Variants in XRN1 observed in about 807,000 individuals in gnomAD.
XRN1 encodes the protein strand-exchange protein 1 homolog.
A neutral mutation model predicts 222.3 loss-of-function variants in XRN1; 67 were observed. That is an observed-to-expected ratio of 0.30 (90% CI 0.25 to 0.37). The LOEUF is 0.37. Ranked by LOEUF, XRN1 falls within the 10% of genes least tolerant of loss-of-function variation. The pLI, the probability that XRN1 is intolerant of heterozygous loss-of-function variation, is 1.00. For synonymous variants in XRN1, 643 were observed against 652.4 expected, an observed-to-expected ratio of 0.99 and a Z score of 0.22; for missense variants, 1,707 against 2,000.2, an observed-to-expected ratio of 0.85 and a Z score of 2.80.
At chr3:142,439,675 ACT>A (rs975101938) in intron 1 of XRN1, among the ~76,000 whole-genome samples, 1 of 151,924 alleles carries the variant, frequency 6.6e-6, no homozygotes, top group African/African-American at 2.4e-5. Context: ...AAACTTAGAA[ACT>A]CTACTGAACT....
At position 142,375,914 on chromosome 3, in the gene XRN1, A is replaced by G. The variant is rs1258217644; in HGVS notation, c.2862T>C (p.Gly954=). 6.2e-7 allele frequency: 1 copy of G among 1,613,670 alleles called. No homozygotes were observed. The highest frequency in any genetic ancestry group is 2.2e-5 in the East Asian group (1 of 44,854). ...TTTTCTTGTTGAATTTGAGATTTAA[A>G]CCCACATTTGCTTTATGGTCTCCAT... ...NPHGDHKANV[G]LNLKFNKKNE... is the part of the protein sequence containing the mutation. The change falls in exon 25 of 41, where the codon GGT becomes GGC. Residue 954 remains glycine (G), a synonymous_variant. Coordinates refer to ENST00000392981, the MANE Select transcript of XRN1 (RefSeq NM_001282857.2).
At chr3:142,435,529 G>A (rs935261313) in intron 1 of XRN1, 2 of 152,118 alleles carry the variant, frequency 1.3e-5, no homozygotes, top group African/African-American at 4.8e-5. Context: ...GGGGGCCAAG[G>A]TAGGTGGATC....
Position 142,357,108 on chromosome 3 carries a change from C to G in XRN1, c.3476G>C (p.Gly1159Ala). The change falls in exon 31 of 41, where the codon GGT (glycine) becomes GCT (alanine). Residue 1159 changes from glycine to alanine, a missense_variant. Physicochemically the swap from Gly to Ala is moderately conservative, Grantham distance 60. Transcript: ENST00000392981. The part of the protein sequence containing the change: ...PGGLTIRCSP[G>A]RGYRLPTSAL... ...ACTTGTTGGCAGTCGATAACCTCTA[C>G]CAGGTGAGCATCTAAAAGTAAAAGT... 1.2e-6 allele frequency: 2 copies of G among 1,610,386 alleles called. No homozygotes were observed. The highest frequency in any genetic ancestry group is 1.7e-6 in the Non-Finnish European group (2 of 1,178,248).
At chr3:142,432,510 G>A in intron 2 of XRN1, 151 bp downstream of exon 2, 1 of 722,804 alleles carries the variant, frequency 1.4e-6, no homozygotes, top group Non-Finnish European at 2.2e-6. Context: ...TTACTCGACT[G>A]GTAAAATATG....
chr3:142,427,525 TAATC>T (rs1310850830), intron 2 of XRN1, among the ~76,000 whole-genome samples: 1 of 152,186 alleles, frequency 6.6e-6, no homozygotes, highest in Admixed American at 6.5e-5. Flanking sequence ...TTAATGATCT[TAATC>T]ATCATTTAAT....
intron 10 of XRN1, among the ~76,000 whole-genome samples, chr3:142,419,285 G>C (rs1481835622): frequency 1.3e-5 from 2 of 151,904 alleles, no homozygotes; most frequent in East Asian, 1.9e-4. Flanking sequence ...TGTGTGTACA[G>C]GTTCCCAAAA....
chr3:142,436,686 A>G (rs2108187414), intron 1 of XRN1, among the ~76,000 whole-genome samples: 1 of 152,334 alleles, frequency 6.6e-6, no homozygotes, highest in Middle Eastern at 3.4e-3. Flanking sequence ...AATTCAACAC[A>G]GCAATTACAA....
At chr3:142,362,249 C>T (rs995944113) in intron 29 of XRN1, among the ~76,000 whole-genome samples, 49 of 151,976 alleles carry the variant, frequency 3.2e-4, no homozygotes, top group Admixed American at 2.1e-3. Flanking sequence ...GTGATTCTTC[C>T]GCCTCAGCCT....
intron 40 of XRN1, 122 bp downstream of exon 40, chr3:142,312,476 A>T: frequency 1.0e-6 from 1 of 974,394 alleles, no homozygotes; most frequent in Non-Finnish European, 1.4e-6. Flanking sequence ...TTGCCTTCTT[A>T]CTACCCACAC....
rs776965080 is a variant in XRN1 at position 142,365,146 on chromosome 3, G to A, written c.3295C>T (p.Arg1099Trp). ...LEQQHGVIPD[R>W]DAEFCLFDRV... The stretch of plus-strand genomic sequence containing the variant: ...TCAAAAAGACAAAATTCTGCATCCC[G>A]ATCAGGAATGACTCCATGTTGCTGT... Residue 1099 changes from arginine (R) to tryptophan (W), a missense_variant, in exon 29 of 41, where the codon CGG (arginine) becomes TGG (tryptophan). By Grantham distance (101) the Arg-to-Trp change is moderately radical. Coordinates refer to ENST00000392981, the MANE Select transcript of XRN1 (RefSeq NM_001282857.2). 2.9e-5 allele frequency: 46 copies of A among 1,612,906 alleles called. No individual in the cohort carries two copies. The highest frequency in any genetic ancestry group is 8.3e-5 in the Admixed American group (5 of 59,932).
At chr3:142,361,293 G>T (rs571409804) in intron 29 of XRN1, among the ~76,000 whole-genome samples, 8 of 152,178 alleles carry the variant, frequency 5.3e-5, no homozygotes, top group African/African-American at 1.9e-4. Context: ...CTGCTGATGG[G>T]GATTTAGATT....
chr3:142,363,855 C>A (rs552139344), intron 29 of XRN1, among the ~76,000 whole-genome samples: 2 of 152,034 alleles, frequency 1.3e-5, no homozygotes, highest in East Asian at 3.9e-4. Flanking sequence ...ATTGGGATTT[C>A]TTTGACTGTA....
At position 142,423,640 on chromosome 3, in the gene XRN1, A is replaced by G. The variant is rs2069129530; in HGVS notation, c.630T>C (p.Ile210=). 1 of 1,572,978 alleles carries G rather than the reference A, an allele frequency of 6.4e-7. No homozygotes were observed. Among genetic ancestry groups the G allele is most frequent in the Non-Finnish European group, 8.6e-7 (1 of 1,164,204 alleles). ...HCLYGLDADL[I]MLGLTSHEAH... ...CCTCATGACTTGTTAATCCAAGCAT[A>G]ATCTGTTGAAAAATGATTAAGAAAT... Residue 210 remains isoleucine, a splice_region_variant and synonymous_variant, in exon 6 of 41, where the codon ATT becomes ATC. Transcript: ENST00000392981.
intron 25 of XRN1, among the ~76,000 whole-genome samples, chr3:142,372,505 GC>G (rs1356706444): frequency 6.6e-6 from 1 of 152,176 alleles, no homozygotes; most frequent in East Asian, 1.9e-4. Flanking sequence ...AACTGGGATG[GC>G]CCTTCAGACT....
intron 33 of XRN1, among the ~76,000 whole-genome samples, chr3:142,336,607 G>A (rs1306691528): frequency 6.6e-6 from 1 of 151,314 alleles, no homozygotes; most frequent in Non-Finnish European, 1.5e-5. Flanking sequence ...AGAAGGAATA[G>A]AGAGAGAGGA....
rs904082376 is a variant in XRN1 at position 142,421,210 on chromosome 3, C to T, written c.1036-57G>A. 5.6e-6 allele frequency: 8 copies of T among 1,429,776 alleles called. No homozygotes were observed. The African/African-American group carries it at 5.8e-5, about 10-fold the overall frequency. The allele number at this position is 1,429,776 out of a possible 1,614,324, so 88.6% of individuals were successfully genotyped here. ...TAATTTAAGTATATCTAGAAGAATA[C>T]AAATCAAACTTAAAACAGTGACTAC... On this transcript the variant is annotated intron_variant, in intron 9 of 40. Coordinates refer to ENST00000392981, the MANE Select transcript of XRN1 (RefSeq NM_001282857.2).
At chr3:142,376,047 T>A in intron 24 of XRN1, 103 bp from the exon 25 acceptor site, 4 of 1,407,246 alleles carry the variant, frequency 2.8e-6, no homozygotes, top group Non-Finnish European at 3.7e-6. Flanking sequence ...TGCTTTCAAT[T>A]CTTAGAAAAG....
intron 27 of XRN1, among the ~76,000 whole-genome samples, chr3:142,367,530 C>T (rs746651029): frequency 2.6e-5 from 4 of 151,886 alleles, no homozygotes; most frequent in Non-Finnish European, 2.9e-5. Context: ...CATGTTCCAA[C>T]AAGAAAACTG....
rs529329509 is a variant in XRN1 at position 142,332,865 on chromosome 3, C to T, written c.4062+102G>A. 1.1e-5 allele frequency: 16 copies of T among 1,476,928 alleles called. No individual in the cohort carries two copies. The East Asian group carries it at 2.6e-4, about 24-fold the overall frequency. The allele number at this position is 1,476,928 out of a possible 1,614,324, so 91.5% of individuals were successfully genotyped here. On this transcript the variant is annotated intron_variant, in intron 35 of 40. Coordinates refer to ENST00000392981, the MANE Select transcript of XRN1 (RefSeq NM_001282857.2). The stretch of plus-strand genomic sequence containing the variant: ...AGATGACAATAATGATGTAACATAC[C>T]AGCCTCCATGATGGAAGTGTTTGAA...
Sources: gnomAD v4.1 joint callset for allele counts (sites outside exome capture counted in the v4.1 genomes callset) on GRCh38, gnomAD v4.1.1 for gene constraint, MANE v1.5 for transcripts, NCBI Gene and HGNC (gene_info 2026-07-23, HGNC 2026-07-21) for gene names.